ITPR1: variants seen among roughly 807,000 people sequenced by gnomAD.
ITPR1 encodes inositol 1,4,5-trisphosphate receptor type 1, also known as inositol 1,4,5-trisphosphate-gated calcium channel ITPR1.
In ITPR1, 96 loss-of-function variants were observed where a neutral mutation model predicts 318.4. The observed-to-expected ratio is 0.30, with a 90% confidence interval of 0.26 to 0.36. ITPR1 has a LOEUF of 0.36. Among genes scored for constraint, ITPR1 ranks in the 10% least tolerant of loss-of-function variants. The pLI is 1.00. For synonymous variants in ITPR1, 1,312 were observed against 1,289.9 expected, an observed-to-expected ratio of 1.02 and a Z score of -0.37; for missense variants, 2,440 against 3,460.2, an observed-to-expected ratio of 0.71 and a Z score of 7.40.
intron 52 of ITPR1, 151 bp from the exon 53 acceptor site, chr3:4,794,914 G>C (rs1488252253): frequency 2.4e-6 from 2 of 834,520 alleles, no homozygotes; most frequent in African/African-American, 1.7e-5. Flanking sequence ...TATGTACCAA[G>C]TTCCAAACAA....
intron 51 of ITPR1, among the ~76,000 whole-genome samples, chr3:4,784,296 A>C (rs1050849313): frequency 1.3e-5 from 2 of 152,180 alleles, no homozygotes; most frequent in Non-Finnish European, 2.9e-5. Context: ...AGAGACTAGC[A>C]AGAGGAACTT....
chr3:4,746,057 G>C (rs557278181), intron 44 of ITPR1, among the ~76,000 whole-genome samples: 1 of 152,168 alleles, frequency 6.6e-6, no homozygotes, highest in Non-Finnish European at 1.5e-5. Context: ...GAGGAGCAGC[G>C]GTTTGAAACT....
chr3:4,845,690 T>G (rs1054781045), intron 61 of ITPR1, among the ~76,000 whole-genome samples: 1 of 152,146 alleles, frequency 6.6e-6, no homozygotes, highest in African/African-American at 2.4e-5. Flanking sequence ...CAAGAGTCAT[T>G]GAAGAGAAAA....
intron 4 of ITPR1, among the ~76,000 whole-genome samples, chr3:4,549,873 C>A (rs1421525363): frequency 6.6e-6 from 1 of 152,070 alleles, no homozygotes; most frequent in South Asian, 2.1e-4. Context: ...TAGTCGGAAC[C>A]TTTCGAGGGC....
At chr3:4,558,908 G>A (rs1565700) in intron 4 of ITPR1, among the ~76,000 whole-genome samples, 82,807 of 151,522 alleles carry the variant, frequency 0.55, 22,998 homozygotes, top group African/African-American at 0.63. Context: ...ACGCATCTCA[G>A]GAAAAAGGAC....
chr3:4,574,501 A>C (rs1293129012), intron 4 of ITPR1, among the ~76,000 whole-genome samples: 2 of 152,174 alleles, frequency 1.3e-5, no homozygotes, highest in Non-Finnish European at 2.9e-5. Flanking sequence ...AAATATACCA[A>C]AATATCAAAA....
rs114723322 is a variant in ITPR1, at chr3:4,515,549, G to C, written c.-16-927G>C. On this transcript the variant is annotated intron_variant, in intron 2 of 61. Transcript: ENST00000649015. The stretch of plus-strand genomic sequence containing the variant: ...GCACACAGTCTTCCCACATAACTGA[G>C]TTTGTTTTTTAATTGTCAATTTAGC... Among the ~76,000 whole-genome samples, 880 of 152,278 alleles carry C rather than the reference G, an allele frequency of 5.8e-3. 8 individuals are homozygous for C. Among genetic ancestry groups the C allele is most frequent in the African/African-American group, 0.019 (809 of 41,540 alleles).
intron 46 of ITPR1, among the ~76,000 whole-genome samples, chr3:4,770,372 G>A (rs532101263): frequency 1.3e-4 from 20 of 152,316 alleles, no homozygotes; most frequent in African/African-American, 4.6e-4. Flanking sequence ...AGCCTGCAAC[G>A]TTAATACCTT....
intron 4 of ITPR1, among the ~76,000 whole-genome samples, chr3:4,561,082 T>C (rs1479267302): frequency 6.6e-6 from 1 of 152,208 alleles, no homozygotes; most frequent in Non-Finnish European, 1.5e-5. Context: ...GTCTCCTGAT[T>C]TATTTTTAGC....
At chr3:4,550,971 G>C (rs1220857430) in intron 4 of ITPR1, among the ~76,000 whole-genome samples, 1 of 152,138 alleles carries the variant, frequency 6.6e-6, no homozygotes, top group Non-Finnish European at 1.5e-5. Flanking sequence ...TGGTGAAGAG[G>C]AAGAGGACTG....
intron 42 of ITPR1, among the ~76,000 whole-genome samples, chr3:4,727,540 A>G (rs1447279160): frequency 6.6e-6 from 1 of 152,166 alleles, no homozygotes; most frequent in Non-Finnish European, 1.5e-5. Flanking sequence ...TCATAATTAC[A>G]TTACCTAGCC....
intron 4 of ITPR1, among the ~76,000 whole-genome samples, chr3:4,598,985 G>A (rs1174514655): frequency 1.3e-5 from 2 of 151,086 alleles, no homozygotes; most frequent in East Asian, 1.9e-4. Flanking sequence ...GTGGTCTATA[G>A]TGCACAGGAT....
At chr3:4,690,471 C>T (rs1027564820) in intron 31 of ITPR1, among the ~76,000 whole-genome samples, 2 of 152,098 alleles carry the variant, frequency 1.3e-5, no homozygotes, top group African/African-American at 4.8e-5. Flanking sequence ...TAAGTGTTGA[C>T]AAGGATAGGA....
intron 4 of ITPR1, among the ~76,000 whole-genome samples, chr3:4,562,010 T>C (rs1575538249): frequency 1.3e-5 from 2 of 152,108 alleles, no homozygotes; most frequent in Non-Finnish European, 2.9e-5. Context: ...TCCAATCTTT[T>C]GGCTTCCCTA....
chr3:4,591,439 A>G (rs1035120540), intron 4 of ITPR1, among the ~76,000 whole-genome samples: 2 of 152,190 alleles, frequency 1.3e-5, no homozygotes, highest in African/African-American at 4.8e-5. Flanking sequence ...GTGAGATGGT[A>G]TCTCATTGAG....
chr3:4,571,952 C>T (rs922450033), intron 4 of ITPR1, among the ~76,000 whole-genome samples: 2 of 152,180 alleles, frequency 1.3e-5, no homozygotes, highest in Non-Finnish European at 2.9e-5. Context: ...GTGGCTCAAG[C>T]ACCTACTATG....
At chr3:4,821,563 T>C (rs752377080) in intron 60 of ITPR1, among the ~76,000 whole-genome samples, 5 of 152,204 alleles carry the variant, frequency 3.3e-5, no homozygotes, top group African/African-American at 7.2e-5. Flanking sequence ...TTGGAAAGAA[T>C]GACATTTGAC....
Position 4,768,533 on chromosome 3 carries a change from A to C in ITPR1, c.5748A>C (p.Ile1916=), listed in dbSNP as rs1275641376. ...TAGCTAAAGAGCCCACAACACAGAT[A>C]ACAGAAGAGGTCCGGGATCAGCTCC... ...RKKAKEPTTQ[I]TEEVRDQLLE... The change falls in exon 46 of 62, where the codon ATA becomes ATC. Residue 1916 remains isoleucine, a synonymous_variant. Coordinates refer to ENST00000649015, the MANE Select transcript of ITPR1 (RefSeq NM_001378452.1). 4 of 1,612,694 alleles carry C rather than the reference A, an allele frequency of 2.5e-6. No homozygotes were observed. Among genetic ancestry groups the C allele is most frequent in the Non-Finnish European group, 3.4e-6 (4 of 1,179,100 alleles).
At chr3:4,663,230 G>C (rs2093874739) in intron 16 of ITPR1, 24 bp downstream of exon 16, 5 of 1,590,022 alleles carry the variant, frequency 3.1e-6, no homozygotes, top group Non-Finnish European at 1.7e-6. Flanking sequence ...GGCGTACTGG[G>C]GATTTGGCTT....
Sources: gnomAD v4.1 joint callset for allele counts (sites outside exome capture counted in the v4.1 genomes callset) on GRCh38, gnomAD v4.1.1 for gene constraint, MANE v1.5 for transcripts, NCBI Gene and HGNC (gene_info 2026-07-23, HGNC 2026-07-21) for gene names.